Variants in ATXN10 observed in about 807,000 individuals in gnomAD.
ATXN10 encodes the protein ataxin 10.
Under a neutral mutation model 52.9 loss-of-function variants are expected in ATXN10, and 28 were observed. The ratio of observed to expected loss-of-function variants is 0.53; its 90% CI spans 0.39 to 0.73. The LOEUF (loss-of-function observed/expected upper bound fraction) is 0.73, where lower values mean the gene tolerates loss of function less well. ATXN10 is among the 30% of genes least tolerant of loss of function. The pLI, the probability that ATXN10 is intolerant of heterozygous loss-of-function variation, is 0.00. For missense variants in ATXN10, 565 were observed against 577.0 expected (o/e 0.98, Z 0.21); for synonymous variants, 226 against 221.5 (o/e 1.02, Z -0.18).
intron 5 of ATXN10, among the ~76,000 whole-genome samples, chr22:45,713,581 C>T (rs996150906): frequency 7.9e-5 from 12 of 152,184 alleles, no homozygotes; most frequent in Non-Finnish European, 1.8e-4. Context: ...AATACTGTCA[C>T]TCTTTAGCAG....
At chr22:45,810,089 G>A (rs1429297523) in intron 10 of ATXN10, among the ~76,000 whole-genome samples, 1 of 152,158 alleles carries the variant, frequency 6.6e-6, no homozygotes, top group African/African-American at 2.4e-5. Flanking sequence ...TTTAGAGTCA[G>A]CTTTGGTGTA....
chr22:45,821,532 C>T (rs1441730875), intron 10 of ATXN10, among the ~76,000 whole-genome samples: 1 of 152,164 alleles, frequency 6.6e-6, no homozygotes, highest in Non-Finnish European at 1.5e-5. Flanking sequence ...AGGCACTGCA[C>T]ATCATGGTGA....
At chr22:45,676,166 A>G (rs1483413224) in intron 1 of ATXN10, 1 of 148,992 alleles carries the variant, frequency 6.7e-6, no homozygotes, top group Non-Finnish European at 1.5e-5. Context: ...GTTGGAGTGC[A>G]TTTTTTCTAG....
At chr22:45,776,964 G>A (rs1926981594) in intron 9 of ATXN10, among the ~76,000 whole-genome samples, 1 of 152,284 alleles carries the variant, frequency 6.6e-6, no homozygotes, top group East Asian at 1.9e-4. Flanking sequence ...GTATCAAGTT[G>A]AACTTTTTGA....
intron 9 of ATXN10, among the ~76,000 whole-genome samples, chr22:45,761,846 C>T (rs1408767993): frequency 6.6e-6 from 1 of 152,004 alleles, no homozygotes; most frequent in Non-Finnish European, 1.5e-5. Flanking sequence ...TTGGCTAAAA[C>T]AGAAAAGGTT....
chr22:45,700,928 A>G (rs534318982), intron 4 of ATXN10, among the ~76,000 whole-genome samples: 23 of 152,338 alleles, frequency 1.5e-4, no homozygotes, highest in Non-Finnish European at 3.2e-4. Flanking sequence ...GTGGGTAACC[A>G]TTCCATTTGT....
chr22:45,778,132 T>A (rs1312887230), intron 9 of ATXN10, among the ~76,000 whole-genome samples: 1 of 152,208 alleles, frequency 6.6e-6, no homozygotes, highest in Non-Finnish European at 1.5e-5. Context: ...AGAAAAAGTT[T>A]GCTGGCCCCT....
rs1928461134 is a variant in ATXN10 at position 45,816,365 on chromosome 22, C to T, written c.1237+9343C>T. On this transcript the variant is annotated intron_variant, in intron 10 of 11. Transcript: ENST00000252934. The surrounding 1 kb of genome is among the most constrained non-coding windows in gnomAD (Gnocchi z 5.8). ...AGCTCCTTGGGAAACAGATACCTCT[C>T]CCGTTTCCTCTCTTTCCTCCTTTTA... Among the ~76,000 whole-genome samples, 1 of 152,244 alleles carries T rather than the reference C, an allele frequency of 6.6e-6. No homozygotes were observed. The highest frequency in any genetic ancestry group is 6.5e-5 in the Admixed American group (1 of 15,290).
intron 3 of ATXN10, among the ~76,000 whole-genome samples, chr22:45,697,430 C>T (rs35844185): frequency 0.14 from 21,648 of 151,274 alleles, 2,067 homozygotes; most frequent in Admixed American, 0.24. Context: ...CCGCTGCGTC[C>T]GGCCTAAAAA....
At chr22:45,801,727 T>C (rs1396687405) in intron 9 of ATXN10, among the ~76,000 whole-genome samples, 1 of 152,206 alleles carries the variant, frequency 6.6e-6, no homozygotes, top group Admixed American at 6.5e-5. Context: ...GAAGGACAGC[T>C]AGTGGTTGGT....
At chr22:45,694,088 T>C (rs546221056) in intron 3 of ATXN10, among the ~76,000 whole-genome samples, 1 of 152,254 alleles carries the variant, frequency 6.6e-6, no homozygotes, top group East Asian at 1.9e-4. Context: ...ATGTTAAGTG[T>C]CTAAGTCAAG....
chr22:45,692,812 C>T lies in ATXN10; in HGVS notation c.309-184C>T, dbSNP rs537225177. Among the ~76,000 whole-genome samples the T allele has an allele frequency of 3.3e-5, 5 of 152,296 alleles. No homozygotes were observed. In the South Asian group the frequency reaches 1.0e-3, roughly 32 times the overall value. Reference sequence around the variant, plus strand: ...AAGCTGTTGGAAGCAGTTAGCTCTGCATGTAAATATAACCTCTACTGCTAG... The same window carrying T: ...AAGCTGTTGGAAGCAGTTAGCTCTGTATGTAAATATAACCTCTACTGCTAG... On this transcript the variant is annotated intron_variant, in intron 2 of 11. Coordinates refer to ENST00000252934, the MANE Select transcript of ATXN10 (RefSeq NM_013236.4).
rs1928477005 is a variant in ATXN10, at chr22:45,816,789, A to C, written c.1237+9767A>C. The stretch of plus-strand genomic sequence containing the variant: ...TGGAGTCTTTATTAGTCACATGTGC[A>C]TTTTGGAGCTTCCATTTGGGAAATT... On this transcript the variant is annotated intron_variant, in intron 10 of 11. Coordinates refer to ENST00000252934, the MANE Select transcript of ATXN10 (RefSeq NM_013236.4). The surrounding 1 kb of genome is among the most constrained non-coding windows in gnomAD (Gnocchi z 5.8). Among the ~76,000 whole-genome samples, 1 of 152,138 alleles carries C rather than the reference A, an allele frequency of 6.6e-6. No homozygotes were observed. Among genetic ancestry groups the C allele is most frequent in the African/African-American group, 2.4e-5 (1 of 41,412 alleles).
intron 6 of ATXN10, among the ~76,000 whole-genome samples, chr22:45,720,984 T>A (rs1924629037): frequency 1.3e-5 from 2 of 152,202 alleles, no homozygotes; most frequent in Non-Finnish European, 2.9e-5. Context: ...CTGCCCTTAC[T>A]GTGAGGGTAA....
At position 45,740,558 on chromosome 22, in the gene ATXN10, T is replaced by A. The variant is rs188695486; in HGVS notation, c.1173+20T>A. 2 of 1,609,188 alleles carry A rather than the reference T, an allele frequency of 1.2e-6. No homozygotes were observed. Among genetic ancestry groups the A allele is most frequent in the Non-Finnish European group, 8.5e-7 (1 of 1,175,732 alleles). Reference sequence around the variant, plus strand: ...GACAAGGTAAGAGGATTTCTTAGTATGTATTATACATGTATGGCTTCATTT... The same window carrying A: ...GACAAGGTAAGAGGATTTCTTAGTAAGTATTATACATGTATGGCTTCATTT... On this transcript the variant is annotated intron_variant, in intron 9 of 11. Coordinates refer to ENST00000252934, the MANE Select transcript of ATXN10 (RefSeq NM_013236.4).
At chr22:45,745,112 A>G (rs780987149) in intron 9 of ATXN10, among the ~76,000 whole-genome samples, 1 of 152,164 alleles carries the variant, frequency 6.6e-6, no homozygotes, top group Non-Finnish European at 1.5e-5. Context: ...TTTGGTTTCT[A>G]TTGTAAGAAG....
At position 45,740,400 on chromosome 22, in the gene ATXN10, A is replaced by G; in HGVS notation, c.1035A>G (p.Lys345=). ...DLLRVIHVAG[K]ETTNIFSNCG... is the part of the protein sequence containing the mutation. The stretch of plus-strand genomic sequence containing the variant: ...TGCGGGTGATTCATGTAGCTGGAAA[A>G]GAAACCACAAACATCTTCAGTAATT... The change falls in exon 9 of 12, where the codon AAA becomes AAG. Residue 345 remains lysine, a synonymous_variant. Transcript: ENST00000252934. The G allele has an allele frequency of 1.9e-6, 3 of 1,613,954 alleles. No homozygotes were observed. The African/African-American group carries it at 4.0e-5, about 22-fold the overall frequency.
Position 45,784,800 on chromosome 22 carries a change from T to C in ATXN10, c.1174-22159T>C, listed in dbSNP as rs1468551999. On this transcript the variant is annotated intron_variant, in intron 9 of 11. Transcript: ENST00000252934. The surrounding 1 kb of genome is among the most constrained non-coding windows in gnomAD (Gnocchi z 4.2). Reference sequence around the variant, plus strand: ...CAGCAAGCCTTTATTTTTTTATTTTTTAAACACCGTGGGCAAGCTGATCAA... The same window carrying C: ...CAGCAAGCCTTTATTTTTTTATTTTCTAAACACCGTGGGCAAGCTGATCAA... Among the ~76,000 whole-genome samples the C allele has an allele frequency of 1.3e-5, 2 of 152,228 alleles. No individual in the cohort carries two copies. The highest frequency in any genetic ancestry group is 2.9e-5 in the Non-Finnish European group (2 of 68,030).
At chr22:45,791,635 A>G (rs762343383) in intron 9 of ATXN10, among the ~76,000 whole-genome samples, 75 of 152,222 alleles carry the variant, frequency 4.9e-4, no homozygotes, top group Admixed American at 1.6e-3. Flanking sequence ...GTCTGCCTGA[A>G]CATGATGTAT....
Sources: gnomAD v4.1 joint callset for allele counts (sites outside exome capture counted in the v4.1 genomes callset) on GRCh38, gnomAD v4.1.1 for gene constraint, Gnocchi (gnomAD v3.1) non-coding constraint, MANE v1.5 for transcripts, NCBI Gene and HGNC (gene_info 2026-07-23, HGNC 2026-07-21) for gene names.